The following ATP8A2 variants were observed in gnomAD, a reference collection of about 807,000 sequenced individuals.
ATP8A2 encodes phospholipid-transporting ATPase IB.
In ATP8A2, 100 loss-of-function variants were observed where a neutral mutation model predicts 165.6. The ratio of observed to expected loss-of-function variants is 0.60; its 90% confidence interval spans 0.51 to 0.71. The LOEUF is 0.71. Ranked by LOEUF, ATP8A2 falls within the 30% of genes least tolerant of loss-of-function variation. The pLI is 0.00. For missense variants in ATP8A2, 1,227 were observed against 1,479.5 expected, an observed-to-expected ratio of 0.83 and a Z score of 2.80; for synonymous variants, 543 against 548.8, an observed-to-expected ratio of 0.99 and a Z score of 0.15.
At chr13:25,564,089 A>G in intron 16 of ATP8A2, 58 bp downstream of exon 16, 1 of 1,243,694 alleles carries the variant, frequency 8.0e-7, no homozygotes, top group South Asian at 1.2e-5. Context: ...ACTTTCTTTT[A>G]TATATGCATG....
At chr13:25,385,701 G>A (rs1164887684) in intron 1 of ATP8A2, among the ~76,000 whole-genome samples, 1 of 151,876 alleles carries the variant, frequency 6.6e-6, no homozygotes, top group African/African-American at 2.4e-5. Flanking sequence ...AAGTTTTTTT[G>A]TTTTTATTTG....
intron 26 of ATP8A2, 97 bp from the exon 27 acceptor site, chr13:25,774,752 C>A: frequency 1.4e-6 from 1 of 694,936 alleles, no homozygotes; most frequent in Non-Finnish European, 2.5e-6. Flanking sequence ...GTTTCCTCTA[C>A]CTACATTATC....
At chr13:25,938,023 T>C (rs1469119136) in intron 33 of ATP8A2, among the ~76,000 whole-genome samples, 3 of 152,044 alleles carry the variant, frequency 2.0e-5, no homozygotes, top group Admixed American at 6.6e-5. Flanking sequence ...TCCTGTTTGC[T>C]CATGTCTAAG....
intron 16 of ATP8A2, chr13:25,567,081 C>T (rs2039335255): frequency 3.6e-6 from 1 of 275,670 alleles, no homozygotes; most frequent in African/African-American, 2.2e-5. Context: ...AAGAGCTTCT[C>T]TGGGGACCCC....
rs558338267 is a variant in ATP8A2, at chr13:25,684,826, G to A, written c.2212-14347G>A. Among the ~76,000 whole-genome samples the A allele has an allele frequency of 5.3e-5, 8 of 152,170 alleles. No homozygotes were observed. In the South Asian group the frequency reaches 1.7e-3, roughly 32 times the overall value. ...TCTTCTGCAAATCATCATTTCCCAC[G>A]TATTCCTGGTGTTTGTAACTTTCCT... On this transcript the variant is annotated intron_variant, in intron 24 of 36. Transcript: ENST00000381655.
chr13:25,385,578 A>G (rs575638715), intron 1 of ATP8A2, among the ~76,000 whole-genome samples: 2 of 152,294 alleles, frequency 1.3e-5, no homozygotes, highest in Non-Finnish European at 1.5e-5. Context: ...AGAGAGCTGA[A>G]CCTCTTCCAT....
At chr13:25,620,401 T>A (rs931699423) in intron 24 of ATP8A2, among the ~76,000 whole-genome samples, 1 of 152,046 alleles carries the variant, frequency 6.6e-6, no homozygotes, top group Non-Finnish European at 1.5e-5. Flanking sequence ...ATCAAAACAC[T>A]CACAAAAGTT....
intron 33 of ATP8A2, among the ~76,000 whole-genome samples, chr13:25,884,340 C>T (rs1391718151): frequency 6.6e-6 from 1 of 152,128 alleles, no homozygotes; most frequent in African/African-American, 2.4e-5. Context: ...GAAATCATGT[C>T]GGGACCTCAT....
intron 33 of ATP8A2, 114 bp from the exon 34 acceptor site, chr13:25,961,461 C>A: frequency 1.2e-6 from 1 of 843,332 alleles, no homozygotes; most frequent in Non-Finnish European, 1.9e-6. Context: ...CCTCTCATTG[C>A]ATTTAGTGCG....
At chr13:25,810,762 A>G (rs887023870) in intron 27 of ATP8A2, among the ~76,000 whole-genome samples, 4 of 152,114 alleles carry the variant, frequency 2.6e-5, no homozygotes, top group African/African-American at 9.7e-5. Flanking sequence ...AGAAAGAGAG[A>G]GAGGGAGCGA....
In ATP8A2 at chr13:25,530,587, G is replaced by C. The variant is rs764684880; in HGVS notation, c.347G>C (p.Gly116Ala). The C allele has an allele frequency of 6.3e-7, 1 of 1,587,818 alleles. No individual in the cohort carries two copies. Among genetic ancestry groups the C allele is most frequent in the Non-Finnish European group, 8.6e-7 (1 of 1,163,330 alleles). Reference protein sequence around the residue: ...LQQIPDVSPTGRYTTLVPLII... With the variant: ...LQQIPDVSPTARYTTLVPLII... ...CAAATTCCAGATGTATCTCCAACAG[G>C]AAGATATACCACCCTGGTGCCATTG... The change falls in exon 4 of 37, where the codon GGA becomes GCA. Residue 116 changes from glycine (G) to alanine (A), a missense_variant. Transcript: ENST00000381655.
At chr13:25,754,647 A>T (rs1308619905) in intron 25 of ATP8A2, among the ~76,000 whole-genome samples, 6 of 152,152 alleles carry the variant, frequency 3.9e-5, no homozygotes, top group African/African-American at 1.4e-4. Context: ...AGCTCATTTT[A>T]AAAAATTGTT....
chr13:25,712,003 A>T (rs1338260414), intron 25 of ATP8A2, among the ~76,000 whole-genome samples: 1 of 152,158 alleles, frequency 6.6e-6, no homozygotes, highest in Non-Finnish European at 1.5e-5. Flanking sequence ...TCCCAGTTAC[A>T]GGCTATCAAT....
intron 25 of ATP8A2, 37 bp downstream of exon 25, chr13:25,699,382 CT>C (rs1242522613): frequency 6.7e-7 from 1 of 1,498,552 alleles, no homozygotes; most frequent in Non-Finnish European, 9.0e-7. Context: ...TCACACTCTG[CT>C]GTGTCTGTAT....
chr13:25,910,620 G>A (rs1321861082), intron 33 of ATP8A2, among the ~76,000 whole-genome samples: 1 of 152,126 alleles, frequency 6.6e-6, no homozygotes, highest in African/African-American at 2.4e-5. Context: ...GACAACGGGT[G>A]TCTCCTATAT....
chr13:25,979,801 C>T (rs1055075168), intron 35 of ATP8A2, among the ~76,000 whole-genome samples: 1 of 152,090 alleles, frequency 6.6e-6, no homozygotes, highest in African/African-American at 2.4e-5. Context: ...GAGGACATAA[C>T]GGGGAGTGAA....
chr13:25,655,150 A>G (rs2041900180), intron 24 of ATP8A2, among the ~76,000 whole-genome samples: 1 of 151,850 alleles, frequency 6.6e-6, no homozygotes, highest in African/African-American at 2.4e-5. Context: ...TCTTCAGTGG[A>G]GTTCTTTTTT....
chr13:25,640,445 A>G (rs1190788898), intron 24 of ATP8A2, among the ~76,000 whole-genome samples: 1 of 152,262 alleles, frequency 6.6e-6, no homozygotes, highest in Non-Finnish European at 1.5e-5. Flanking sequence ...CCACAGAAAT[A>G]CAAACTACCA....
intron 24 of ATP8A2, among the ~76,000 whole-genome samples, chr13:25,683,445 A>G (rs2042536840): frequency 6.6e-6 from 1 of 152,166 alleles, no homozygotes. Context: ...TGTGTGGACT[A>G]ATACTTCTGT....
Sources: gnomAD v4.1 joint callset for allele counts (sites outside exome capture counted in the v4.1 genomes callset) on GRCh38, gnomAD v4.1.1 for gene constraint, MANE v1.5 for transcripts, NCBI Gene and HGNC (gene_info 2026-07-23, HGNC 2026-07-21) for gene names.